The following AKAP6 variants were observed in gnomAD, a reference collection of about 807,000 sequenced individuals.
AKAP6 encodes A-kinase anchor protein 6.
Under a neutral mutation model 188.5 loss-of-function variants are expected in AKAP6, and 58 were observed. The observed-to-expected ratio is 0.31, with a 90% CI of 0.25 to 0.38. The LOEUF (loss-of-function observed/expected upper bound fraction) is 0.38, where lower values mean the gene tolerates loss of function less well. Ranked by LOEUF, AKAP6 falls within the 10% of genes least tolerant of loss-of-function variation. The pLI is 1.00. For missense variants in AKAP6, 2,710 were observed against 2,740.0 expected (o/e 0.99, Z 0.24); for synonymous variants, 989 against 998.6 (o/e 0.99, Z 0.18).
intron 9 of AKAP6, among the ~76,000 whole-genome samples, chr14:32,698,828 G>C (rs914164107): frequency 1.3e-5 from 2 of 152,172 alleles, no homozygotes; most frequent in African/African-American, 4.8e-5. Context: ...ATCATCCCTA[G>C]TATTAACGAA....
intron 9 of AKAP6, among the ~76,000 whole-genome samples, chr14:32,724,389 T>C (rs571107800): frequency 6.6e-6 from 1 of 152,236 alleles, no homozygotes. Flanking sequence ...CTGCTCACTT[T>C]ATGCTTATGA....
intron 1 of AKAP6, among the ~76,000 whole-genome samples, chr14:32,353,523 T>A (rs1887365353): frequency 6.6e-6 from 1 of 152,210 alleles, no homozygotes; most frequent in African/African-American, 2.4e-5. Flanking sequence ...ATCGTGCCAC[T>A]GCACTCTAGC....
At chr14:32,561,715 G>C (rs1883962811) in intron 4 of AKAP6, among the ~76,000 whole-genome samples, 1 of 152,222 alleles carries the variant, frequency 6.6e-6, no homozygotes, top group African/African-American at 2.4e-5. Context: ...GGCCTGGCTA[G>C]AGTTTATAAG....
chr14:32,453,795 C>T (rs369578680), intron 2 of AKAP6, among the ~76,000 whole-genome samples: 2,283 of 147,108 alleles, frequency 0.016, 35 homozygotes, highest in East Asian at 0.046. Context: ...GACGGGGTTT[C>T]ACCGTGGTCT....
intron 11 of AKAP6, among the ~76,000 whole-genome samples, chr14:32,741,558 A>AT (rs1245172470): frequency 6.7e-6 from 1 of 150,002 alleles, no homozygotes; most frequent in Non-Finnish European, 1.5e-5. Context: ...TTTTTTTAGG[A>AT]TTTTTACCAT....
chr14:32,642,172 G>A lies in AKAP6; in HGVS notation c.2731-36139G>A, dbSNP rs1887786635. On this transcript the variant is annotated intron_variant, in intron 7 of 13. Coordinates refer to ENST00000280979, the MANE Select transcript of AKAP6 (RefSeq NM_004274.5). ...ACTTCAGTGCTATCTTGTTATTGTT[G>A]TTATACTTGGCTAGTTATACATCTA... Among the ~76,000 whole-genome samples, 5 of 152,164 alleles carry A rather than the reference G, an allele frequency of 3.3e-5. No homozygotes were observed. In the South Asian group the frequency reaches 1.0e-3, roughly 32 times the overall value.
At chr14:32,826,289 T>C (rs1473632095) in intron 13 of AKAP6, among the ~76,000 whole-genome samples, 1 of 152,200 alleles carries the variant, frequency 6.6e-6, no homozygotes, top group Non-Finnish European at 1.5e-5. Flanking sequence ...TATTTACAAT[T>C]GGCTGCAAGT....
At chr14:32,647,782 A>G (rs1429270774) in intron 7 of AKAP6, among the ~76,000 whole-genome samples, 2 of 152,106 alleles carry the variant, frequency 1.3e-5, no homozygotes, top group South Asian at 2.1e-4. Flanking sequence ...CATTAGGCCA[A>G]CATAATTCTA....
chr14:32,821,497 A>T lies in AKAP6; in HGVS notation c.3684A>T (p.Leu1228Phe), dbSNP rs764295458. The T allele has an allele frequency of 2.5e-6, 4 of 1,613,772 alleles. No homozygotes were observed. Among genetic ancestry groups the T allele is most frequent in the Non-Finnish European group, 3.4e-6 (4 of 1,179,820 alleles). ...EWDEMDISNK[L>F]ISLNEESNDL... ...ATGAAATGGACATAAGTAACAAGTT[A>T]ATTAGTTTGAATGAGGAATCAAATG... The change falls in exon 13 of 14, where the codon TTA (leucine) becomes TTT (phenylalanine). Residue 1228 changes from leucine to phenylalanine, a missense_variant. Transcript: ENST00000280979.
chr14:32,450,483 G>A (rs1185883416), intron 2 of AKAP6, among the ~76,000 whole-genome samples: 2 of 152,014 alleles, frequency 1.3e-5, no homozygotes, highest in African/African-American at 2.4e-5. Context: ...CAAGGGGCAG[G>A]GCATATTTTG....
At chr14:32,724,534 C>A (rs1195390242) in intron 9 of AKAP6, among the ~76,000 whole-genome samples, 6 of 152,138 alleles carry the variant, frequency 3.9e-5, no homozygotes, top group Non-Finnish European at 8.8e-5. Context: ...TAGTAAATAA[C>A]TGGTATTGCT....
intron 7 of AKAP6, among the ~76,000 whole-genome samples, chr14:32,663,333 A>G (rs1888782980): frequency 6.6e-6 from 1 of 151,758 alleles, no homozygotes; most frequent in African/African-American, 2.4e-5. Flanking sequence ...GCCATATCAG[A>G]CCCCCTGCTT....
chr14:32,744,329 A>G (rs967767121), intron 11 of AKAP6, among the ~76,000 whole-genome samples: 3 of 149,636 alleles, frequency 2.0e-5, no homozygotes, highest in Non-Finnish European at 4.5e-5. Flanking sequence ...ATTTTATTTT[A>G]TTTTTGAGAT....
chr14:32,529,244 G>A (rs920178530), intron 2 of AKAP6, among the ~76,000 whole-genome samples: 3 of 152,094 alleles, frequency 2.0e-5, no homozygotes, highest in African/African-American at 7.2e-5. Flanking sequence ...AAATGGTATT[G>A]TGTTTTTTAT....
chr14:32,561,780 A>T (rs1478698335), intron 4 of AKAP6, among the ~76,000 whole-genome samples: 1 of 152,212 alleles, frequency 6.6e-6, no homozygotes, highest in African/African-American at 2.4e-5. Flanking sequence ...ACCCAGTAAG[A>T]ATTAGATATG....
At chr14:32,733,656 C>T (rs957188354) in intron 10 of AKAP6, 5 of 152,146 alleles carry the variant, frequency 3.3e-5, no homozygotes, top group African/African-American at 9.7e-5. Flanking sequence ...AAATTCACTA[C>T]ACTCTGCAGT....
intron 1 of AKAP6, among the ~76,000 whole-genome samples, chr14:32,420,131 A>G (rs1321511680): frequency 6.6e-6 from 1 of 152,118 alleles, no homozygotes; most frequent in Non-Finnish European, 1.5e-5. Context: ...CTTAACATAC[A>G]CAACAGTCTC....
chr14:32,545,111 G>C (rs1883134409), intron 3 of AKAP6, 119 bp from the exon 4 acceptor site: 1 of 910,208 alleles, frequency 1.1e-6, no homozygotes, highest in Non-Finnish European at 1.7e-6. Flanking sequence ...CAAACCACAA[G>C]CAATAGGGAC....
At chr14:32,503,839 T>G (rs1880727306) in intron 2 of AKAP6, among the ~76,000 whole-genome samples, 1 of 152,044 alleles carries the variant, frequency 6.6e-6, no homozygotes, top group Non-Finnish European at 1.5e-5. Flanking sequence ...TTTTTCAGTT[T>G]TGTCTGACTA....
Sources: allele counts gnomAD v4.1 joint callset (sites outside exome capture counted in the v4.1 genomes callset), GRCh38; gene constraint gnomAD v4.1.1; transcripts MANE v1.5; gene names NCBI Gene and HGNC (gene_info 2026-07-23, HGNC 2026-07-21).